The following RBP4 variants were observed in gnomAD, a reference collection of about 807,000 sequenced individuals.
The protein encoded by RBP4 is retinol-binding protein 4.
In RBP4, 9 loss-of-function variants were observed where a neutral mutation model predicts 26.2. The observed-to-expected ratio is 0.34, with a 90% CI of 0.21 to 0.60. RBP4 has a LOEUF of 0.60. Ranked by LOEUF, RBP4 falls within the 20% of genes least tolerant of loss-of-function variation. The pLI is 0.80. For missense variants in RBP4, 244 were observed against 271.3 expected, an observed-to-expected ratio of 0.90 and a Z score of 0.71; for synonymous variants, 114 against 111.0, an observed-to-expected ratio of 1.03 and a Z score of -0.17.
In RBP4 at chr10:93,601,005, C is replaced by A. The variant is rs11546956; in HGVS notation, c.24G>T (p.Leu8Phe). The A allele has an allele frequency of 6.6e-5, 107 of 1,611,686 alleles. No homozygotes were observed. The highest frequency in any genetic ancestry group is 8.9e-5 in the Non-Finnish European group (105 of 1,179,718). ...GGCCGCTGCCCAGCGCCGCCAACAG[C>A]AAGAGCGCCCACACCCACTTCATCT... MKWVWAL[L>F]LLAALGSGRA... Residue 8 changes from leucine (L) to phenylalanine (F), a missense_variant, in exon 2 of 6, where the codon TTG (leucine) becomes TTT (phenylalanine). Physicochemically the swap from Leu to Phe is conservative, Grantham distance 22 (BLOSUM62 0). Transcript: ENST00000371464.
rs549818745 is a variant in RBP4, at chr10:93,591,945, G to T, written c.*130C>A. The T allele has an allele frequency of 2.0e-5, 16 of 801,018 alleles. No individual in the cohort carries two copies. Among genetic ancestry groups the T allele is most frequent in the Non-Finnish European group, 3.3e-5 (15 of 461,062 alleles). 49.6% of individuals were successfully genotyped at this position (801,018 alleles called of 1,614,324 possible). ...CACTGACCCCCACGTGTATCTTTAT[G>T]TGTAATGAAGGTTTTATGGGAACTG... On this transcript the variant is annotated 3_prime_UTR_variant, in exon 6 of 6. Transcript: ENST00000371464.
intron 4 of RBP4, 125 bp from the exon 5 acceptor site, chr10:93,594,160 G>T: frequency 1.1e-6 from 1 of 917,130 alleles, no homozygotes; most frequent in Non-Finnish European, 1.7e-6. Context: ...TCTTTAGGAA[G>T]CAGGACACTT....
At position 93,594,011 on chromosome 10, in the gene RBP4, G is replaced by A; in HGVS notation, c.380C>T (p.Thr127Ile). 1 of 1,613,714 alleles carries A rather than the reference G, an allele frequency of 6.2e-7. No individual in the cohort carries two copies. The highest frequency in any genetic ancestry group is 8.5e-7 in the Non-Finnish European group (1 of 1,180,030). ...KGNDDHWIVDTDYDTYAVQYS... is the reference protein window; with the variant it reads ...KGNDDHWIVDIDYDTYAVQYS... ...CTGCACGGCATACGTGTCGTAGTCT[G>A]TGTCGACGATCCAGTGGTCATCATC... The change falls in exon 5 of 6, where the codon ACA becomes ATA. Residue 127 changes from threonine to isoleucine, a missense_variant. Physicochemically the swap from Thr to Ile is moderately conservative, Grantham distance 89. Transcript: ENST00000371464.
chr10:93,600,520 C>T (rs368098575), intron 3 of RBP4, 21 bp from the exon 4 acceptor site: 25 of 1,613,844 alleles, frequency 1.5e-5, no homozygotes, highest in Non-Finnish European at 1.9e-5. Flanking sequence ...CAAGGGGATC[C>T]TCAGCCAAGC....
chr10:93,600,330 C>T, intron 4 of RBP4, 63 bp downstream of exon 4: 1 of 1,412,824 alleles, frequency 7.1e-7, no homozygotes, highest in East Asian at 2.3e-5. Context: ...GGAGAAGAAA[C>T]CCAGCGATTT....
intron 4 of RBP4, among the ~76,000 whole-genome samples, chr10:93,598,207 G>T (rs940798153): frequency 6.6e-6 from 1 of 152,126 alleles, no homozygotes; most frequent in South Asian, 2.1e-4. Flanking sequence ...ATGATTTCAC[G>T]ACCAGGGAGA....
Position 93,600,821 on chromosome 10 carries a change from G to A in RBP4, c.112-18C>T, listed in dbSNP as rs1362289343. 7 of 1,606,138 alleles carry A rather than the reference G, an allele frequency of 4.4e-6. No individual in the cohort carries two copies. In the Admixed American group the frequency reaches 1.0e-4, roughly 23 times the overall value. The stretch of plus-strand genomic sequence containing the variant: ...CCAGAGAACTGTGAGAAGGATGACA[G>A]CAGGGGTTTGGCGTCCGGGGGCGCA... On this transcript the variant is annotated intron_variant, in intron 2 of 5. Transcript: ENST00000371464.
In RBP4 at chr10:93,600,788, A is replaced by G; in HGVS notation, c.127T>C (p.Tyr43His). Residue 43 changes from tyrosine to histidine, a missense_variant, in exon 3 of 6, where the codon TAC (tyrosine) becomes CAC (histidine). Transcript: ENST00000371464. ...FDKARFSGTW[Y>H]AMAKKDPEGL... is the part of the protein sequence containing the mutation. ...TCGGGGTCCTTCTTGGCCATGGCGT[A>G]CCAGGTCCCAGAGAACTGTGAGAAG... 3 of 1,553,702 alleles carry G rather than the reference A, an allele frequency of 1.9e-6. No individual in the cohort carries two copies. The highest frequency in any genetic ancestry group is 2.6e-6 in the Non-Finnish European group (3 of 1,144,550).
At chr10:93,596,371 A>G (rs1261083646) in intron 4 of RBP4, among the ~76,000 whole-genome samples, 1 of 152,176 alleles carries the variant, frequency 6.6e-6, no homozygotes, top group Admixed American at 6.5e-5. Flanking sequence ...GAATAATTCA[A>G]AGACGAGGAA....
At chr10:93,595,090 G>C (rs757825755) in intron 4 of RBP4, among the ~76,000 whole-genome samples, 18 of 152,120 alleles carry the variant, frequency 1.2e-4, no homozygotes, top group Non-Finnish European at 2.9e-5. Flanking sequence ...CAATGAGCTA[G>C]GTTTGCACCA....
intron 2 of RBP4, 27 bp downstream of exon 2, chr10:93,600,891 G>A: frequency 1.9e-6 from 3 of 1,610,954 alleles, no homozygotes; most frequent in African/African-American, 2.7e-5. Flanking sequence ...GACCTGGGCC[G>A]CCTGGGCCCC....
chr10:93,600,246 C>T, intron 4 of RBP4, 147 bp downstream of exon 4: 1 of 751,618 alleles, frequency 1.3e-6, no homozygotes, highest in South Asian at 1.4e-5. Context: ...TTCCCCTAAC[C>T]TCAGGTGGTG....
chr10:93,598,052 A>G (rs1197507427), intron 4 of RBP4, among the ~76,000 whole-genome samples: 4 of 152,262 alleles, frequency 2.6e-5, no homozygotes, highest in Non-Finnish European at 4.4e-5. Flanking sequence ...ATGGGTTAAG[A>G]GGTGTCACTA....
chr10:93,601,363 G>T (rs2058338440), upstream of RBP4: 4 of 1,245,988 alleles, frequency 3.2e-6, no homozygotes, highest in Non-Finnish European at 4.0e-6. Flanking sequence ...CTGACTCACC[G>T]GAGCCCGGGC....
Position 93,593,887 on chromosome 10 carries a change from C to A in RBP4, c.504G>T (p.Lys168Asn). The change falls in exon 5 of 6, where the codon AAG (lysine) becomes AAT (asparagine). Residue 168 changes from lysine (K) to asparagine (N), a missense_variant. Coordinates refer to ENST00000371464, the MANE Select transcript of RBP4 (RefSeq NM_006744.4). Reference protein sequence around the residue: ...DPNGLPPEAQKIVRQRQEELC... With the variant: ...DPNGLPPEAQNIVRQRQEELC... ...GCTCCTCCTGCCGCTGCCTTACAAT[C>A]TTCTGCGCTTCTGGGGGCAGGCCGT... The A allele has an allele frequency of 6.2e-7, 1 of 1,613,742 alleles. No homozygotes were observed. The highest frequency in any genetic ancestry group is 1.3e-5 in the African/African-American group (1 of 75,050).
upstream of RBP4, chr10:93,601,326 G>T: frequency 8.2e-7 from 1 of 1,221,132 alleles, no homozygotes; most frequent in South Asian, 3.8e-5. Flanking sequence ...CGAAGGGGAG[G>T]CGCCGGGGGC....
rs571200544 is a variant in RBP4, at chr10:93,598,276, T to A, written c.355+2117A>T. Among the ~76,000 whole-genome samples the A allele has an allele frequency of 2.8e-4, 42 of 152,380 alleles. No homozygotes were observed. In the South Asian group the frequency reaches 8.7e-3, roughly 32 times the overall value. On this transcript the variant is annotated intron_variant, in intron 4 of 5. Transcript: ENST00000371464. ...AGAACTCATGTCTCAGGCACTGTTC[T>A]GAGTGCTTTCTGCCTGTTGACTCAT...
intron 3 of RBP4, 68 bp downstream of exon 3, chr10:93,600,599 G>A (rs1013190183): frequency 2.5e-6 from 4 of 1,612,222 alleles, no homozygotes; most frequent in Non-Finnish European, 3.4e-6. Flanking sequence ...CCCACGTGGC[G>A]ATCAGCAGGC....
At chr10:93,595,473 G>T (rs2058297245) in intron 4 of RBP4, among the ~76,000 whole-genome samples, 1 of 152,248 alleles carries the variant, frequency 6.6e-6, no homozygotes, top group South Asian at 2.1e-4. Flanking sequence ...AAGCAAGGGA[G>T]TGTGATCCCA....
Sources: gnomAD v4.1 joint callset for allele counts (sites outside exome capture counted in the v4.1 genomes callset) on GRCh38, gnomAD v4.1.1 for gene constraint, MANE v1.5 for transcripts, NCBI Gene and HGNC (gene_info 2026-07-23, HGNC 2026-07-21) for gene names.